LRP1B: variants seen among roughly 807,000 people sequenced by gnomAD.
The protein encoded by LRP1B is LDL receptor related protein 1B, also known as low-density lipoprotein receptor-related protein 1B.
In LRP1B, 217 loss-of-function variants were observed where a neutral mutation model predicts 556.6. The ratio of observed to expected loss-of-function variants is 0.39; its 90% confidence interval spans 0.35 to 0.44. LRP1B has a LOEUF of 0.44. LRP1B is among the 20% of genes least tolerant of loss of function. The pLI, the probability that LRP1B is intolerant of heterozygous loss-of-function variation, is 1.00. For synonymous variants in LRP1B, 2,047 were observed against 1,865.8 expected, an observed-to-expected ratio of 1.10 and a Z score of -2.50; for missense variants, 5,053 against 5,620.8, an observed-to-expected ratio of 0.90 and a Z score of 3.23.
intron 41 of LRP1B, among the ~76,000 whole-genome samples, chr2:140,637,723 C>T (rs1390644511): frequency 6.6e-6 from 1 of 152,112 alleles, no homozygotes; most frequent in African/African-American, 2.4e-5. Flanking sequence ...AATGGTTTTG[C>T]CTCTCCTCCA....
intron 6 of LRP1B, among the ~76,000 whole-genome samples, chr2:141,195,212 T>C (rs982102341): frequency 1.3e-5 from 2 of 152,026 alleles, no homozygotes; most frequent in Non-Finnish European, 2.9e-5. Context: ...CCACCTGCCA[T>C]GCTATGAGGG....
chr2:141,561,633 G>GACATAGC (rs1686156727), intron 2 of LRP1B, among the ~76,000 whole-genome samples: 1 of 151,744 alleles, frequency 6.6e-6, no homozygotes, highest in Non-Finnish European at 1.5e-5. Context: ...GTTTAAACAT[G>GACATAGC]ACATAGCCTA....
At chr2:141,088,465 C>T (rs549929943) in intron 7 of LRP1B, among the ~76,000 whole-genome samples, 24 of 152,122 alleles carry the variant, frequency 1.6e-4, no homozygotes, top group African/African-American at 5.3e-4. Context: ...TTGAAAATGA[C>T]GGCTTGAGAC....
At chr2:141,888,866 C>T (rs559085401) in intron 1 of LRP1B, among the ~76,000 whole-genome samples, 2 of 152,220 alleles carry the variant, frequency 1.3e-5, no homozygotes, top group African/African-American at 2.4e-5. Context: ...ATTCCACTTT[C>T]GTATATTGTA....
chr2:141,534,619 A>G (rs76144694), intron 2 of LRP1B, among the ~76,000 whole-genome samples: 2 of 152,122 alleles, frequency 1.3e-5, no homozygotes, highest in African/African-American at 4.8e-5. Context: ...ATTTGTATAT[A>G]TATAAAAGTT....
At chr2:141,058,629 T>G (rs1429446366) in intron 9 of LRP1B, among the ~76,000 whole-genome samples, 1 of 151,888 alleles carries the variant, frequency 6.6e-6, no homozygotes, top group Admixed American at 6.6e-5. Flanking sequence ...TCATCACGAC[T>G]GAAAGCCCCT....
At chr2:141,405,007 G>A (rs1458742535) in intron 3 of LRP1B, among the ~76,000 whole-genome samples, 2 of 151,972 alleles carry the variant, frequency 1.3e-5, no homozygotes, top group African/African-American at 4.8e-5. Flanking sequence ...CAGGAGAATG[G>A]GGTGAACTCG....
rs1297456010 is a variant in LRP1B at position 140,886,265 on chromosome 2, G to C, written c.3837C>G (p.Asp1279Glu). The change falls in exon 24 of 91, where the codon GAC (aspartate) becomes GAG (glutamate). Residue 1279 changes from aspartate (D) to glutamate (E), a missense_variant. By Grantham distance (45) the Asp-to-Glu change is conservative. Around this residue, in one of 5 missense-constraint regions of LRP1B, gnomAD observed 3,619 missense variants for 3,931.9 expected, o/e 0.92. Transcript: ENST00000389484. ...EIRRIDLHKR[D>E]YSLLVPGLRN... ...TCAATCCAGGAACAAGTAGACTATA[G>C]TCTCTTTTGTGAAGATCAATCCTTC... 1 of 1,609,702 alleles carries C rather than the reference G, an allele frequency of 6.2e-7. No individual in the cohort carries two copies. Among genetic ancestry groups the C allele is most frequent in the Non-Finnish European group, 8.5e-7 (1 of 1,176,828 alleles).
rs903972844 is a variant in LRP1B, at chr2:141,249,750, A to C, written c.464-2396T>G. Among the ~76,000 whole-genome samples the C allele has an allele frequency of 2.6e-5, 4 of 152,322 alleles. No individual in the cohort carries two copies. In the East Asian group the frequency reaches 7.7e-4, roughly 29 times the overall value. On this transcript the variant is annotated intron_variant, in intron 4 of 90. Transcript: ENST00000389484. Reference sequence around the variant, plus strand: ...TGTTCAAAAGGGTTATATGCAATGCATGAATCCAATAAGATAAAGATTAAA... The same window carrying C: ...TGTTCAAAAGGGTTATATGCAATGCCTGAATCCAATAAGATAAAGATTAAA...
rs1683317543 is a variant in LRP1B, at chr2:140,378,172, A to T, written c.10638+8T>A. The T allele has an allele frequency of 6.3e-7, 1 of 1,587,398 alleles. No homozygotes were observed. The highest frequency in any genetic ancestry group is 8.6e-7 in the Non-Finnish European group (1 of 1,159,796). Reference sequence around the variant, plus strand: ...CTGCTTTCTTTTTGATTTTACAAAGATGCCTACCTCATCAGAGCCATCTGC... The same window carrying T: ...CTGCTTTCTTTTTGATTTTACAAAGTTGCCTACCTCATCAGAGCCATCTGC... On this transcript the variant is annotated splice_region_variant and intron_variant, in intron 68 of 90. Coordinates refer to ENST00000389484, the MANE Select transcript of LRP1B (RefSeq NM_018557.3).
intron 26 of LRP1B, 90 bp from the exon 27 acceptor site, chr2:140,867,924 A>T: frequency 5.8e-6 from 8 of 1,387,194 alleles, no homozygotes; most frequent in South Asian, 1.6e-5. Flanking sequence ...ATGACAAAAA[A>T]GGTATTTTAT....
intron 2 of LRP1B, among the ~76,000 whole-genome samples, chr2:141,620,619 A>T (rs1688473363): frequency 6.6e-6 from 1 of 152,188 alleles, no homozygotes; most frequent in Admixed American, 6.5e-5. Flanking sequence ...AAATATGTTG[A>T]ATATGTTAAT....
chr2:140,962,820 G>C (rs1437778009), intron 18 of LRP1B, among the ~76,000 whole-genome samples: 1 of 152,118 alleles, frequency 6.6e-6, no homozygotes, highest in African/African-American at 2.4e-5. Flanking sequence ...TTTGTTTTTT[G>C]GTAGTTAGAT....
intron 23 of LRP1B, among the ~76,000 whole-genome samples, chr2:140,897,664 C>G (rs1303597691): frequency 2.6e-5 from 4 of 152,178 alleles, no homozygotes; most frequent in African/African-American, 4.8e-5. Flanking sequence ...TGTGGAAAGA[C>G]TAGATTTGCT....
intron 1 of LRP1B, among the ~76,000 whole-genome samples, chr2:141,946,692 C>T (rs972762761): frequency 6.6e-6 from 1 of 151,872 alleles, no homozygotes; most frequent in Admixed American, 6.6e-5. Context: ...ATGTGACTCT[C>T]GAAAGTAAAA....
chr2:140,641,952 A>G (rs2105301022), intron 41 of LRP1B, among the ~76,000 whole-genome samples: 1 of 152,376 alleles, frequency 6.6e-6, no homozygotes, highest in Middle Eastern at 3.4e-3. Context: ...AGCAAATTAC[A>G]AATGTATCAG....
intron 41 of LRP1B, among the ~76,000 whole-genome samples, chr2:140,610,192 T>C (rs867058045): frequency 6.6e-6 from 1 of 152,002 alleles, no homozygotes; most frequent in African/African-American, 2.4e-5. Context: ...TTATGTGTTG[T>C]TTGTGTTGTT....
intron 2 of LRP1B, among the ~76,000 whole-genome samples, chr2:141,603,564 T>C (rs1285008996): frequency 1.3e-5 from 2 of 152,182 alleles, no homozygotes; most frequent in Non-Finnish European, 2.9e-5. Context: ...CATTTATATC[T>C]TTTACAGGAC....
intron 1 of LRP1B, among the ~76,000 whole-genome samples, chr2:141,889,606 G>C (rs1409096789): frequency 6.6e-6 from 1 of 152,098 alleles, no homozygotes; most frequent in African/African-American, 2.4e-5. Flanking sequence ...AAAGAGCATA[G>C]ACCATGTCTA....
Sources: allele counts gnomAD v4.1 joint callset (sites outside exome capture counted in the v4.1 genomes callset), GRCh38; gene constraint gnomAD v4.1.1; regional missense constraint gnomAD v4.1.1; transcripts MANE v1.5; gene names NCBI Gene and HGNC (gene_info 2026-07-23, HGNC 2026-07-21).